Variants in CDH4 observed in about 807,000 individuals in gnomAD.
The protein encoded by CDH4 is cadherin-4.
In CDH4, 33 loss-of-function variants were observed where a neutral mutation model predicts 86.0. That is an observed-to-expected ratio of 0.38 (90% confidence interval 0.29 to 0.51). The LOEUF (loss-of-function observed/expected upper bound fraction) is 0.51. Ranked by LOEUF, CDH4 falls within the 20% of genes least tolerant of loss-of-function variation. CDH4 has a pLI of 0.86. For missense variants in CDH4, 1,114 were observed against 1,307.4 expected, an observed-to-expected ratio of 0.85 and a Z score of 2.28; for synonymous variants, 555 against 549.4, an observed-to-expected ratio of 1.01 and a Z score of -0.14.
chr20:61,466,864 A>C (rs1344345847), intron 2 of CDH4, among the ~76,000 whole-genome samples: 1 of 146,254 alleles, frequency 6.8e-6, no homozygotes, highest in Non-Finnish European at 1.5e-5. Context: ...TAAATAAATA[A>C]CAAATAATCA....
chr20:61,885,373 G>T (rs1164135133), intron 7 of CDH4, among the ~76,000 whole-genome samples: 1 of 152,102 alleles, frequency 6.6e-6, no homozygotes, highest in Non-Finnish European at 1.5e-5. Flanking sequence ...TGCCTATTCT[G>T]GACATTTCCT....
intron 2 of CDH4, among the ~76,000 whole-genome samples, chr20:61,282,676 G>A (rs528414077): frequency 6.6e-5 from 10 of 152,342 alleles, no homozygotes; most frequent in African/African-American, 1.9e-4. Context: ...TTGTGCACAC[G>A]TGTGTGGCTG....
At chr20:61,355,399 G>A (rs1285362788) in intron 2 of CDH4, among the ~76,000 whole-genome samples, 1 of 152,162 alleles carries the variant, frequency 6.6e-6, no homozygotes, top group Non-Finnish European at 1.5e-5. Context: ...GACCTCGGCA[G>A]GACTGAAGGG....
At chr20:61,326,251 A>G (rs2084536464) in intron 2 of CDH4, among the ~76,000 whole-genome samples, 1 of 152,234 alleles carries the variant, frequency 6.6e-6, no homozygotes, top group Non-Finnish European at 1.5e-5. Flanking sequence ...TTTAGCTCAT[A>G]CTAGGTTTTG....
chr20:61,419,281 C>T (rs1430076329), intron 2 of CDH4, among the ~76,000 whole-genome samples: 3 of 152,198 alleles, frequency 2.0e-5, no homozygotes, highest in Non-Finnish European at 4.4e-5. Flanking sequence ...GTTCTTGTCT[C>T]TGCTCATCAG....
intron 2 of CDH4, among the ~76,000 whole-genome samples, chr20:61,296,307 G>A (rs1475537703): frequency 3.3e-5 from 5 of 150,054 alleles, no homozygotes; most frequent in East Asian, 3.9e-4. Context: ...GCGTGGGTGC[G>A]TGTGTGTGCA....
rs569298216 is a variant in CDH4, at chr20:61,413,584, G to A, written c.169+158647G>A. 1.0e-3 allele frequency among the ~76,000 whole-genome samples: 152 copies of A among 152,296 alleles called. 1 individual carries two copies. The highest frequency in any genetic ancestry group is 3.5e-3 in the African/African-American group (146 of 41,566). ...TAACACACCCCCGCACAACTGCCAC[G>A]CCCTGTGCGATGGCTGTTACCGCCA... On this transcript the variant is annotated intron_variant, in intron 2 of 15. Coordinates refer to ENST00000614565, the MANE Select transcript of CDH4 (RefSeq NM_001794.5).
rs2085152470 is a variant in CDH4, at chr20:61,417,314, C to A, written c.169+162377C>A. 1.3e-5 allele frequency among the ~76,000 whole-genome samples: 2 copies of A among 152,072 alleles called. No homozygotes were observed. On this transcript the variant is annotated intron_variant, in intron 2 of 15. Transcript: ENST00000614565. The surrounding 1 kb of genome is among the most constrained non-coding windows in gnomAD (Gnocchi z 4.0). ...GTCTTTCTCCATCTCCCTCTCCCTC[C>A]CTCTACCTCTCTTCTCTCTCCCCTC...
chr20:61,565,251 T>TCGGTGGTAGGTGGTAGG (rs1555809133), intron 2 of CDH4, among the ~76,000 whole-genome samples: 1 of 79,632 alleles, frequency 1.3e-5, no homozygotes, highest in Non-Finnish European at 2.6e-5. Flanking sequence ...GGCGGTGCTC[T>TCGGTGGTAGGTGGTAGG]TGGTGATGGT....
At chr20:61,447,404 C>T (rs555734106) in intron 2 of CDH4, among the ~76,000 whole-genome samples, 1 of 149,402 alleles carries the variant, frequency 6.7e-6, no homozygotes, top group African/African-American at 2.5e-5. Flanking sequence ...AAACTCCTGA[C>T]CTCAGGTGAT....
At chr20:61,288,701 G>A (rs539064634) in intron 2 of CDH4, among the ~76,000 whole-genome samples, 46 of 152,324 alleles carry the variant, frequency 3.0e-4, no homozygotes, top group South Asian at 1.0e-3. Flanking sequence ...TGCCGCGGCC[G>A]GCTCCAGACC....
intron 2 of CDH4, among the ~76,000 whole-genome samples, chr20:61,330,091 T>C (rs574445965): frequency 1.3e-5 from 2 of 152,334 alleles, no homozygotes; most frequent in East Asian, 3.9e-4. Flanking sequence ...CTATCATTGA[T>C]GGGCATTTCT....
intron 2 of CDH4, among the ~76,000 whole-genome samples, chr20:61,335,526 T>G (rs1323651411): frequency 2.0e-5 from 3 of 152,218 alleles, no homozygotes; most frequent in Non-Finnish European, 4.4e-5. Context: ...AGTGGGACCC[T>G]AATTGCACCA....
intron 2 of CDH4, among the ~76,000 whole-genome samples, chr20:61,691,039 C>T (rs573238360): frequency 1.2e-3 from 181 of 152,294 alleles, no homozygotes; most frequent in Non-Finnish European, 2.3e-3. Flanking sequence ...CATTTGGTAC[C>T]TTTTCCTTTT....
chr20:61,390,546 G>A (rs371293476), intron 2 of CDH4, among the ~76,000 whole-genome samples: 30 of 89,582 alleles, frequency 3.3e-4, no homozygotes, highest in African/African-American at 7.0e-4. Context: ...TGCCCATAGC[G>A]CCATGTCTAG....
At chr20:61,755,471 CCATA>C (rs1427423718) in intron 3 of CDH4, among the ~76,000 whole-genome samples, 21 of 142,762 alleles carry the variant, frequency 1.5e-4, no homozygotes, top group Non-Finnish European at 1.5e-5. Flanking sequence ...CACACACACA[CCATA>C]CACACAGTGC....
chr20:61,928,056 T>C, intron 11 of CDH4, 134 bp from the exon 12 acceptor site: 1 of 754,428 alleles, frequency 1.3e-6, no homozygotes, highest in Middle Eastern at 3.2e-4. Context: ...GCCGGCCGTG[T>C]CCGGCTGGGG....
intron 2 of CDH4, among the ~76,000 whole-genome samples, chr20:61,435,413 T>C (rs1281772112): frequency 6.6e-6 from 1 of 152,226 alleles, no homozygotes; most frequent in East Asian, 1.9e-4. Flanking sequence ...GGGCTGAAGA[T>C]CCCTAGGGGG....
intron 6 of CDH4, among the ~76,000 whole-genome samples, chr20:61,871,587 T>C (rs1057216019): frequency 8.5e-5 from 13 of 152,080 alleles, no homozygotes; most frequent in Non-Finnish European, 1.5e-4. Flanking sequence ...CTTAGGAAAA[T>C]GCAGAGGAAA....
Sources: gnomAD v4.1 joint callset for allele counts (sites outside exome capture counted in the v4.1 genomes callset) on GRCh38, gnomAD v4.1.1 for gene constraint, Gnocchi (gnomAD v3.1) non-coding constraint, MANE v1.5 for transcripts, NCBI Gene and HGNC (gene_info 2026-07-23, HGNC 2026-07-21) for gene names.